Variants in DPYD observed in about 807,000 individuals in gnomAD.
DPYD encodes dihydropyrimidine dehydrogenase.
In DPYD, 109 loss-of-function variants were observed where a neutral mutation model predicts 116.2. That is an observed-to-expected ratio of 0.94 (90% CI 0.80 to 1.10). The LOEUF is 1.10. DPYD is among the 50% of genes least tolerant of loss of function. The pLI is 0.00. For synonymous variants in DPYD, 440 were observed against 432.0 expected, an observed-to-expected ratio of 1.02 and a Z score of -0.23; for missense variants, 1,302 against 1,254.5, an observed-to-expected ratio of 1.04 and a Z score of -0.57.
Position 97,594,965 on chromosome 1 carries a change from C to T in DPYD, c.958+94G>A, listed in dbSNP as rs1654776413. ...TCTTAGGCAAGGTTGGGTGTGAGAG[C>T]TGAACAATGTGCTGCTGAGCTTGAT... On this transcript the variant is annotated intron_variant, in intron 9 of 22. Coordinates refer to ENST00000370192, the MANE Select transcript of DPYD (RefSeq NM_000110.4). 1.9e-5 allele frequency: 19 copies of T among 1,007,050 alleles called. No individual in the cohort carries two copies. In the South Asian group the frequency reaches 2.2e-4, roughly 11 times the overall value. 62.4% of individuals were successfully genotyped at this position (1,007,050 alleles called of 1,614,324 possible).
chr1:97,171,645 C>T (rs546006994), intron 20 of DPYD, among the ~76,000 whole-genome samples: 2 of 152,142 alleles, frequency 1.3e-5, no homozygotes, highest in East Asian at 1.9e-4. Flanking sequence ...TCATACCTTA[C>T]ATAAATCATT....
In DPYD at chr1:97,116,430, C is replaced by CG. The variant is rs1651970508; in HGVS notation, c.2623-17799dup. Among the ~76,000 whole-genome samples, 9 of 152,036 alleles carry CG rather than the reference C, an allele frequency of 5.9e-5. No homozygotes were observed. In the South Asian group the frequency reaches 1.7e-3, roughly 28 times the overall value. ...GCACACACCTATAGTCCCAGAACTT[C>CG]GGGGGGCCAAGGAAGGCAGATTACT... On this transcript the variant is annotated intron_variant, in intron 20 of 22. Transcript: ENST00000370192.
chr1:97,422,835 C>A (rs375749078), intron 14 of DPYD, among the ~76,000 whole-genome samples: 1 of 152,010 alleles, frequency 6.6e-6, no homozygotes, highest in African/African-American at 2.4e-5. Flanking sequence ...GTGCTACAAA[C>A]AAGATGCTAT....
chr1:97,611,258 T>C lies in DPYD; in HGVS notation c.851-16092A>G, dbSNP rs1655926499. Among the ~76,000 whole-genome samples, 4 of 151,950 alleles carry C rather than the reference T, an allele frequency of 2.6e-5. 1 individual carries two copies. The South Asian group carries it at 8.3e-4, about 31-fold the overall frequency. On this transcript the variant is annotated intron_variant, in intron 8 of 22. Transcript: ENST00000370192. ...TTGCTTTTAAAACCATCAGATTTGG[T>C]GAGACCCATTTACTATCACGAGAAC...
intron 8 of DPYD, among the ~76,000 whole-genome samples, chr1:97,608,038 G>A (rs1356168462): frequency 1.3e-5 from 2 of 151,918 alleles, no homozygotes; most frequent in Non-Finnish European, 2.9e-5. Context: ...CAACTCAGAA[G>A]AAGAAAGGGG....
intron 3 of DPYD, among the ~76,000 whole-genome samples, chr1:97,791,463 G>A (rs899898812): frequency 8.5e-5 from 13 of 152,150 alleles, no homozygotes; most frequent in African/African-American, 3.1e-4. Flanking sequence ...AAGTTTTGTG[G>A]TCTAATGTAG....
chr1:97,515,439 T>C (rs1648143825), intron 13 of DPYD, among the ~76,000 whole-genome samples: 1 of 151,934 alleles, frequency 6.6e-6, no homozygotes, highest in African/African-American at 2.4e-5. Context: ...ATGAAACAAT[T>C]AATAATACAA....
intron 10 of DPYD, among the ~76,000 whole-genome samples, chr1:97,584,229 T>C (rs1453094137): frequency 1.3e-5 from 2 of 152,158 alleles, no homozygotes; most frequent in Non-Finnish European, 2.9e-5. Context: ...GAAGTGTCTG[T>C]TCATATCCTT....
At chr1:97,314,074 T>C (rs1343801288) in intron 16 of DPYD, among the ~76,000 whole-genome samples, 2 of 151,814 alleles carry the variant, frequency 1.3e-5, no homozygotes, top group African/African-American at 2.4e-5. Context: ...GCCAACTGAG[T>C]TTGAAAACAG....
chr1:97,315,844 G>T (rs539417434), intron 16 of DPYD, among the ~76,000 whole-genome samples: 1 of 151,866 alleles, frequency 6.6e-6, no homozygotes, highest in Non-Finnish European at 1.5e-5. Flanking sequence ...GGAAAGAAAA[G>T]GTCCAATACC....
intron 1 of DPYD, among the ~76,000 whole-genome samples, chr1:97,903,571 A>T (rs1441309466): frequency 6.6e-6 from 1 of 151,946 alleles, no homozygotes; most frequent in African/African-American, 2.4e-5. Flanking sequence ...TAAGTTAATT[A>T]TATATTAACA....
At chr1:97,368,907 T>C (rs1671175365) in intron 16 of DPYD, among the ~76,000 whole-genome samples, 1 of 152,224 alleles carries the variant, frequency 6.6e-6, no homozygotes, top group African/African-American at 2.4e-5. Flanking sequence ...CTTGTCATTA[T>C]TTTAACAGAA....
At chr1:97,568,309 T>A (rs1166853040) in intron 11 of DPYD, among the ~76,000 whole-genome samples, 1 of 152,164 alleles carries the variant, frequency 6.6e-6, no homozygotes. Flanking sequence ...ATTTAATTAC[T>A]AAAATATGGT....
At chr1:97,793,208 AT>A (rs1667402071) in intron 3 of DPYD, among the ~76,000 whole-genome samples, 1 of 152,210 alleles carries the variant, frequency 6.6e-6, no homozygotes, top group South Asian at 2.1e-4. Flanking sequence ...TGAGAAAAAA[AT>A]TTAAAGTCCT....
At chr1:97,402,948 T>C (rs1394199068) in intron 14 of DPYD, among the ~76,000 whole-genome samples, 1 of 152,072 alleles carries the variant, frequency 6.6e-6, no homozygotes, top group Non-Finnish European at 1.5e-5. Flanking sequence ...GCCTTGAATG[T>C]CTGAGATAAA....
chr1:97,127,675 C>G (rs1276148157), intron 20 of DPYD, among the ~76,000 whole-genome samples: 2 of 152,128 alleles, frequency 1.3e-5, no homozygotes, highest in Non-Finnish European at 2.9e-5. Flanking sequence ...GCAGTAGTCC[C>G]CTACTGGCAT....
At chr1:97,348,202 C>G (rs1405541398) in intron 16 of DPYD, among the ~76,000 whole-genome samples, 3 of 152,126 alleles carry the variant, frequency 2.0e-5, no homozygotes, top group African/African-American at 4.8e-5. Context: ...ATTCTCAGCA[C>G]TCTGGTAATT....
intron 19 of DPYD, among the ~76,000 whole-genome samples, chr1:97,227,193 C>T (rs193140582): frequency 5.3e-5 from 8 of 151,664 alleles, no homozygotes; most frequent in Non-Finnish European, 1.2e-4. Flanking sequence ...GATGTGGTGG[C>T]ACGCACTTGT....
At chr1:97,279,490 G>A (rs1224402282) in intron 18 of DPYD, among the ~76,000 whole-genome samples, 1 of 143,772 alleles carries the variant, frequency 7.0e-6, no homozygotes, top group Non-Finnish European at 1.6e-5. Flanking sequence ...ACTGGAGACA[G>A]AGATTTGTTT....
Sources: gnomAD v4.1 joint callset for allele counts (sites outside exome capture counted in the v4.1 genomes callset) on GRCh38, gnomAD v4.1.1 for gene constraint, MANE v1.5 for transcripts, NCBI Gene and HGNC (gene_info 2026-07-23, HGNC 2026-07-21) for gene names.